Variants in LRRC4C observed in about 807,000 individuals in gnomAD.
LRRC4C encodes the protein leucine-rich repeat-containing protein 4C.
A neutral mutation model predicts 33.6 loss-of-function variants in LRRC4C; 5 were observed. The ratio of observed to expected loss-of-function variants is 0.15; its 90% CI spans 0.08 to 0.31. The LOEUF (loss-of-function observed/expected upper bound fraction) is 0.31, where lower values mean the gene tolerates loss of function less well. Among genes scored for constraint, LRRC4C ranks in the 10% least tolerant of loss-of-function variants. LRRC4C has a pLI of 1.00. For synonymous variants in LRRC4C, 329 were observed against 302.0 expected (o/e 1.09, Z -0.93); for missense variants, 560 against 796.7 (o/e 0.70, Z 3.58).
intron 5 of LRRC4C, among the ~76,000 whole-genome samples, chr11:40,236,672 T>C (rs1013056095): frequency 1.3e-5 from 2 of 151,924 alleles, no homozygotes; most frequent in Non-Finnish European, 2.9e-5. Context: ...GTAATAGCAA[T>C]ATGGAAGCCA....
intron 4 of LRRC4C, among the ~76,000 whole-genome samples, chr11:40,281,917 T>C (rs750995038): frequency 3.0e-4 from 46 of 152,184 alleles, no homozygotes; most frequent in Non-Finnish European, 5.9e-4. Flanking sequence ...TAAACACATA[T>C]AATTGGATAG....
chr11:41,185,578 C>A (rs919644040), intron 1 of LRRC4C, among the ~76,000 whole-genome samples: 7 of 152,188 alleles, frequency 4.6e-5, no homozygotes, highest in African/African-American at 1.7e-4. Flanking sequence ...GAGGGATTTT[C>A]CTGGAGGACA....
intron 1 of LRRC4C, among the ~76,000 whole-genome samples, chr11:41,213,254 G>A (rs906289429): frequency 1.3e-4 from 20 of 151,952 alleles, no homozygotes; most frequent in African/African-American, 4.8e-4. Context: ...TTTATTATGG[G>A]GTATATGTTA....
At chr11:40,164,468 C>A (rs1323062736) in intron 5 of LRRC4C, among the ~76,000 whole-genome samples, 1 of 152,096 alleles carries the variant, frequency 6.6e-6, no homozygotes, top group African/African-American at 2.4e-5. Flanking sequence ...GTCTCCTGAC[C>A]TCAGGTGATC....
At chr11:40,525,605 A>G (rs571527041) in intron 3 of LRRC4C, among the ~76,000 whole-genome samples, 2 of 152,318 alleles carry the variant, frequency 1.3e-5, no homozygotes, top group South Asian at 4.1e-4. Context: ...ATTGAAATAA[A>G]CCTAAATAAA....
chr11:41,107,345 A>T (rs542875), intron 1 of LRRC4C, among the ~76,000 whole-genome samples: 1 of 152,240 alleles, frequency 6.6e-6, no homozygotes, highest in Admixed American at 6.5e-5. Flanking sequence ...AAACAACTGT[A>T]AAACAATACT....
At chr11:40,293,488 G>C (rs1457019597) in intron 4 of LRRC4C, 2 of 152,006 alleles carry the variant, frequency 1.3e-5, no homozygotes, top group Non-Finnish European at 2.9e-5. Flanking sequence ...TCAGCCGGTA[G>C]TGGCTCCGGG....
At chr11:41,294,765 A>G (rs1269732706) in intron 1 of LRRC4C, among the ~76,000 whole-genome samples, 2 of 152,206 alleles carry the variant, frequency 1.3e-5, no homozygotes, top group Admixed American at 1.3e-4. Context: ...TAAAACTATT[A>G]TAGCAGGAAA....
chr11:40,264,303 A>C (rs1483500629), intron 4 of LRRC4C, among the ~76,000 whole-genome samples: 1 of 152,210 alleles, frequency 6.6e-6, no homozygotes, highest in Non-Finnish European at 1.5e-5. Flanking sequence ...GGTTGCCAAC[A>C]CTTTAAAATT....
intron 1 of LRRC4C, among the ~76,000 whole-genome samples, chr11:41,158,618 G>A (rs963889663): frequency 3.3e-5 from 5 of 152,090 alleles, no homozygotes; most frequent in Admixed American, 2.6e-4. Flanking sequence ...AGGATATGGC[G>A]ATGGACCACA....
intron 3 of LRRC4C, among the ~76,000 whole-genome samples, chr11:40,567,449 C>T (rs369825648): frequency 5.3e-5 from 8 of 152,082 alleles, no homozygotes; most frequent in Non-Finnish European, 7.4e-5. Context: ...AGCAGTTTGA[C>T]GTAATTATAA....
rs758404396 is a variant in LRRC4C, at chr11:40,274,414, G to GACACACACACAC, written c.-175-32817_-175-32816insGTGTGTGTGTGT. On this transcript the variant is annotated intron_variant, in intron 4 of 6. Transcript: ENST00000528697. ...AATTAAGTGCTTACCCTGCGGAATA[G>GACACACACACAC]ACACACACATACACACACACACACA... is the stretch of plus-strand genomic sequence containing the variant. Among the ~76,000 whole-genome samples, 238 of 63,142 alleles carry GACACACACACAC rather than the reference G, an allele frequency of 3.8e-3. 2 individuals are homozygous for GACACACACACAC. The highest frequency in any genetic ancestry group is 0.017 in the Middle Eastern group (2 of 116). 41.4% of individuals were successfully genotyped at this position (63,142 alleles called of 152,430 possible).
At chr11:41,148,808 G>A (rs187162829) in intron 1 of LRRC4C, among the ~76,000 whole-genome samples, 29 of 152,146 alleles carry the variant, frequency 1.9e-4, no homozygotes, top group African/African-American at 6.5e-4. Context: ...TACCTGATAG[G>A]GTTGTTGTAG....
intron 1 of LRRC4C, among the ~76,000 whole-genome samples, chr11:41,358,305 A>T (rs1713804098): frequency 6.6e-6 from 1 of 152,156 alleles, no homozygotes. Context: ...CTCCTAGAAG[A>T]TAACAGAGAA....
intron 2 of LRRC4C, among the ~76,000 whole-genome samples, chr11:40,703,835 T>G (rs910641528): frequency 6.6e-6 from 1 of 152,214 alleles, no homozygotes; most frequent in Admixed American, 6.5e-5. Context: ...ATGTTGATAT[T>G]TTTTCCTCTA....
intron 1 of LRRC4C, among the ~76,000 whole-genome samples, chr11:41,392,643 G>A (rs1282888036): frequency 6.6e-6 from 1 of 151,658 alleles, no homozygotes; most frequent in Non-Finnish European, 1.5e-5. Context: ...AAATAGTTAA[G>A]ATGAAGTCAT....
chr11:40,142,838 A>T (rs968127055), intron 5 of LRRC4C, among the ~76,000 whole-genome samples: 5 of 152,166 alleles, frequency 3.3e-5, no homozygotes, highest in Admixed American at 1.3e-4. Context: ...ACTTGTATAT[A>T]CTACTGCTTT....
At chr11:40,925,167 ATCT>A (rs1393403559) in intron 2 of LRRC4C, among the ~76,000 whole-genome samples, 7 of 151,766 alleles carry the variant, frequency 4.6e-5, no homozygotes, top group Non-Finnish European at 8.8e-5. Flanking sequence ...TCATATTTAC[ATCT>A]TCTTCTTTGC....
At chr11:41,165,795 C>T (rs1175858366) in intron 1 of LRRC4C, among the ~76,000 whole-genome samples, 6 of 151,942 alleles carry the variant, frequency 3.9e-5, no homozygotes, top group Non-Finnish European at 8.8e-5. Context: ...TTTGGGAGGC[C>T]GAGGTGGGTG....
Sources: allele counts gnomAD v4.1 joint callset (sites outside exome capture counted in the v4.1 genomes callset), GRCh38; gene constraint gnomAD v4.1.1; transcripts MANE v1.5; gene names NCBI Gene and HGNC (gene_info 2026-07-23, HGNC 2026-07-21).